SAV1: variants seen among roughly 807,000 people sequenced by gnomAD.
SAV1 encodes the protein salvador family WW domain containing protein 1.
SAV1 carries 23 observed loss-of-function variants against 47.3 expected under a neutral mutation model. The observed-to-expected ratio is 0.49, with a 90% CI of 0.35 to 0.69. The LOEUF is 0.69. Ranked by LOEUF, SAV1 falls within the 30% of genes least tolerant of loss-of-function variation. The probability of loss-of-function intolerance (pLI) is 0.01; values close to 1 mark genes in which losing one functional copy is unlikely to be tolerated. For missense variants in SAV1, 448 were observed against 457.4 expected, an observed-to-expected ratio of 0.98 and a Z score of 0.19; for synonymous variants, 155 against 159.2, an observed-to-expected ratio of 0.97 and a Z score of 0.20.
At chr14:50,645,142 C>T in intron 2 of SAV1, 128 bp from the exon 3 acceptor site, 1 of 771,412 alleles carries the variant, frequency 1.3e-6, no homozygotes, top group Non-Finnish European at 2.0e-6. Flanking sequence ...ATGATTATGC[C>T]CATTATGATG....
At chr14:50,649,029 A>AT (rs962186789) in intron 2 of SAV1, among the ~76,000 whole-genome samples, 2 of 151,574 alleles carry the variant, frequency 1.3e-5, no homozygotes, top group Non-Finnish European at 2.9e-5. Flanking sequence ...TTAAGCTGCT[A>AT]TTTTTTTTAC....
At position 50,637,050 on chromosome 14, in the gene SAV1, T is replaced by C. The variant is rs117923188; in HGVS notation, c.951-1666A>G. ...GATAGAAAACATACCGAGCAGTTAG[T>C]GTGAGCCACTATACTTGGCATTTTG... On this transcript the variant is annotated intron_variant, in intron 4 of 4. Coordinates refer to ENST00000324679, the MANE Select transcript of SAV1 (RefSeq NM_021818.4). Among the ~76,000 whole-genome samples the C allele has an allele frequency of 2.1e-3, 317 of 152,338 alleles. 1 individual carries two copies. The highest frequency in any genetic ancestry group is 3.6e-3 in the Non-Finnish European group (245 of 68,018).
At chr14:50,659,008 T>C (rs1333091036) in intron 2 of SAV1, among the ~76,000 whole-genome samples, 1 of 151,874 alleles carries the variant, frequency 6.6e-6, no homozygotes, top group Non-Finnish European at 1.5e-5. Flanking sequence ...ATTGCCCTGA[T>C]AAAAATTAAT....
At chr14:50,646,757 G>A (rs2039725970) in intron 2 of SAV1, among the ~76,000 whole-genome samples, 1 of 150,936 alleles carries the variant, frequency 6.6e-6, no homozygotes, top group South Asian at 2.1e-4. Context: ...ATTTTAAAAT[G>A]TATACTGAAA....
intron 4 of SAV1, among the ~76,000 whole-genome samples, chr14:50,639,053 C>T (rs548035580): frequency 6.6e-6 from 1 of 152,332 alleles, no homozygotes; most frequent in African/African-American, 2.4e-5. Context: ...AGGCATGAGC[C>T]GCCGCACCCG....
At chr14:50,656,369 C>T (rs929818727) in intron 2 of SAV1, among the ~76,000 whole-genome samples, 3 of 152,092 alleles carry the variant, frequency 2.0e-5, no homozygotes, top group Non-Finnish European at 4.4e-5. Flanking sequence ...AACTCCAATG[C>T]CCTGTAAAGC....
rs568100142 is a variant in SAV1 at position 50,654,761 on chromosome 14, G to T, written c.536-9747C>A. Among the ~76,000 whole-genome samples the T allele has an allele frequency of 2.6e-5, 4 of 152,170 alleles. 1 individual carries two copies. Among genetic ancestry groups the T allele is most frequent in the African/African-American group, 9.7e-5 (4 of 41,446 alleles). On this transcript the variant is annotated intron_variant, in intron 2 of 4. Coordinates refer to ENST00000324679, the MANE Select transcript of SAV1 (RefSeq NM_021818.4). ...TAATGGCTGCCAAAAACCAATAATA[G>T]ATAAAAGGCTTATGGAGAACTTCAT... is the stretch of plus-strand genomic sequence containing the variant.
chr14:50,640,893 A>T lies in SAV1; in HGVS notation c.807T>A (p.Ser269Arg), dbSNP rs1460764973. The change falls in exon 4 of 5, where the codon AGT becomes AGA. Residue 269 changes from serine to arginine, a missense_variant and splice_region_variant. Physicochemically the swap from Ser to Arg is moderately radical, Grantham distance 110. Transcript: ENST00000324679. ...KAQYRHPCAP[S>R]VPRYDQPPPV... ...GAGGTGGTTGATCATACCGAGGTAC[A>T]CTAAGAAGAAAGGAGTGACATTCTT... The T allele has an allele frequency of 6.2e-7, 1 of 1,601,642 alleles. No homozygotes were observed. Among genetic ancestry groups the T allele is most frequent in the Non-Finnish European group, 8.5e-7 (1 of 1,173,932 alleles).
In SAV1 at chr14:50,635,067, A is replaced by G. The variant is rs1236252447; in HGVS notation, c.*116T>C. ...ATAACAAAATACATGTAAAGTTAGAATTTTATAATTTCCACAAAGGAAGCA... is the reference window on the plus strand; with the variant it reads ...ATAACAAAATACATGTAAAGTTAGAGTTTTATAATTTCCACAAAGGAAGCA... On this transcript the variant is annotated 3_prime_UTR_variant, in exon 5 of 5. Transcript: ENST00000324679. 1.4e-6 allele frequency: 1 copy of G among 727,936 alleles called. No individual in the cohort carries two copies. Among genetic ancestry groups the G allele is most frequent in the East Asian group, 2.7e-5 (1 of 36,846 alleles). 45.1% of individuals were successfully genotyped at this position (727,936 alleles called of 1,614,324 possible).
chr14:50,655,765 G>A (rs568719222), intron 2 of SAV1, among the ~76,000 whole-genome samples: 1 of 152,228 alleles, frequency 6.6e-6, no homozygotes, highest in South Asian at 2.1e-4. Flanking sequence ...AACAAGACAA[G>A]GGCCAGGTGT....
intron 3 of SAV1, among the ~76,000 whole-genome samples, chr14:50,643,058 T>C (rs949659977): frequency 2.6e-5 from 4 of 152,232 alleles, no homozygotes; most frequent in Admixed American, 2.0e-4. Flanking sequence ...AAGTCAAGAA[T>C]TTTGTATAAG....
chr14:50,639,858 T>C (rs894618090), intron 4 of SAV1, among the ~76,000 whole-genome samples: 31 of 152,176 alleles, frequency 2.0e-4, no homozygotes, highest in African/African-American at 7.5e-4. Flanking sequence ...TAAAAACGCA[T>C]ACAGATATTA....
rs1053065584 is a variant in SAV1, at chr14:50,634,842, T to A, written c.*341A>T. ...AATACCGCAGATTCTTTTTTTTTTT[T>A]AAAGAAGGTACTACTGCTGTAAGAA... On this transcript the variant is annotated 3_prime_UTR_variant, in exon 5 of 5. Transcript: ENST00000324679. 2.2e-5 allele frequency: 4 copies of A among 178,484 alleles called. No homozygotes were observed. The highest frequency in any genetic ancestry group is 7.2e-5 in the African/African-American group (3 of 41,734). 11.1% of individuals were successfully genotyped at this position (178,484 alleles called of 1,614,324 possible). A position where few individuals can be genotyped will look rare whatever the true frequency, so the allele number is the denominator to read the frequency against.
At chr14:50,646,734 AGTT>A (rs2039725799) in intron 2 of SAV1, among the ~76,000 whole-genome samples, 1 of 152,004 alleles carries the variant, frequency 6.6e-6, no homozygotes, top group Admixed American at 6.6e-5. Context: ...AGATACAGAT[AGTT>A]ATTAAACAGA....
chr14:50,638,264 T>C (rs2039652752), intron 4 of SAV1, among the ~76,000 whole-genome samples: 1 of 152,190 alleles, frequency 6.6e-6, no homozygotes, highest in African/African-American at 2.4e-5. Flanking sequence ...GCCAAGAAAT[T>C]TGCTTCCACA....
At position 50,663,560 on chromosome 14, in the gene SAV1, C is replaced by T. The variant is rs139870725; in HGVS notation, c.535+1619G>A. Reference sequence around the variant, plus strand: ...TCTCCTCTACAATGTTCCAGTGAGACTCTGATGTCAGCTTTCATAAAATAA... The same window carrying T: ...TCTCCTCTACAATGTTCCAGTGAGATTCTGATGTCAGCTTTCATAAAATAA... On this transcript the variant is annotated intron_variant, in intron 2 of 4. Transcript: ENST00000324679. Among the ~76,000 whole-genome samples, 19 of 152,314 alleles carry T rather than the reference C, an allele frequency of 1.2e-4. No individual in the cohort carries two copies. The East Asian group carries it at 3.1e-3, about 25-fold the overall frequency.
intron 2 of SAV1, chr14:50,663,178 T>A (rs1305491354): frequency 1.3e-5 from 2 of 152,132 alleles, no homozygotes; most frequent in Non-Finnish European, 2.9e-5. Context: ...CAGAAAACTG[T>A]ACAAAATATT....
chr14:50,667,441 T>C (rs1419499122), intron 1 of SAV1: 2 of 456,372 alleles, frequency 4.4e-6, no homozygotes, highest in African/African-American at 4.0e-5. Flanking sequence ...TTCGCACAAC[T>C]TGCAGCACAG....
intron 3 of SAV1, among the ~76,000 whole-genome samples, chr14:50,643,401 C>T (rs72679600): frequency 5.9e-5 from 9 of 152,194 alleles, no homozygotes; most frequent in African/African-American, 1.4e-4. Flanking sequence ...GCACATCTTA[C>T]GTGGTGGCAG....
Sources: gnomAD v4.1 joint callset for allele counts (sites outside exome capture counted in the v4.1 genomes callset) on GRCh38, gnomAD v4.1.1 for gene constraint, MANE v1.5 for transcripts, NCBI Gene and HGNC (gene_info 2026-07-23, HGNC 2026-07-21) for gene names.